The following GPC6 variants were observed in gnomAD, a reference collection of about 807,000 sequenced individuals.
The protein encoded by GPC6 is glypican 6.
GPC6 carries 14 observed loss-of-function variants against 55.2 expected under a neutral mutation model. The ratio of observed to expected loss-of-function variants is 0.25; its 90% confidence interval spans 0.17 to 0.40. The LOEUF (loss-of-function observed/expected upper bound fraction) is 0.40. Among genes scored for constraint, GPC6 ranks in the 10% least tolerant of loss-of-function variants. GPC6 has a pLI of 1.00. For missense variants in GPC6, 641 were observed against 708.5 expected, an observed-to-expected ratio of 0.90 and a Z score of 1.08; for synonymous variants, 278 against 259.6, an observed-to-expected ratio of 1.07 and a Z score of -0.68.
At chr13:93,691,752 T>A (rs1243874763) in intron 2 of GPC6, among the ~76,000 whole-genome samples, 1 of 152,092 alleles carries the variant, frequency 6.6e-6, no homozygotes, top group Non-Finnish European at 1.5e-5. Context: ...ACATTGACTA[T>A]GTTATGATAA....
intron 6 of GPC6, among the ~76,000 whole-genome samples, chr13:94,330,138 C>G (rs1252598745): frequency 6.6e-6 from 1 of 152,172 alleles, no homozygotes; most frequent in Non-Finnish European, 1.5e-5. Context: ...TAAGTTTAAT[C>G]CCACCTTTCC....
At chr13:93,291,288 C>A (rs899392070) in intron 1 of GPC6, among the ~76,000 whole-genome samples, 1 of 152,136 alleles carries the variant, frequency 6.6e-6, no homozygotes, top group African/African-American at 2.4e-5. Flanking sequence ...CAGTATGAGT[C>A]AAGTGACAGA....
At chr13:93,414,719 G>T (rs1158825482) in intron 1 of GPC6, among the ~76,000 whole-genome samples, 3 of 152,032 alleles carry the variant, frequency 2.0e-5, no homozygotes, top group African/African-American at 7.2e-5. Context: ...GATAATGAAG[G>T]GTTTGCCAAA....
At chr13:93,571,470 A>G (rs1003082601) in intron 2 of GPC6, among the ~76,000 whole-genome samples, 2 of 152,140 alleles carry the variant, frequency 1.3e-5, no homozygotes, top group African/African-American at 4.8e-5. Flanking sequence ...TTTGTTTTAT[A>G]TAATTTTATG....
chr13:94,002,774 A>C (rs1478391111), intron 3 of GPC6, among the ~76,000 whole-genome samples: 2 of 152,152 alleles, frequency 1.3e-5, no homozygotes, highest in East Asian at 3.9e-4. Flanking sequence ...GGCAGCCCTT[A>C]AGGGAGCACA....
intron 3 of GPC6, among the ~76,000 whole-genome samples, chr13:93,857,848 A>G (rs1046600065): frequency 1.3e-5 from 2 of 151,518 alleles, no homozygotes; most frequent in African/African-American, 4.8e-5. Context: ...TATAAGTGCC[A>G]AACTATGTAA....
rs140320030 is a variant in GPC6 at position 93,899,816 on chromosome 13, T to C, written c.711+69271T>C. On this transcript the variant is annotated intron_variant, in intron 3 of 8. Transcript: ENST00000377047. ...TTGAGGAAATTGAAAAATCATGTTA[T>C]TTATCTAGTGAATATAAATATTAGG... is the stretch of plus-strand genomic sequence containing the variant. 2.7e-3 allele frequency among the ~76,000 whole-genome samples: 404 copies of C among 152,330 alleles called. 3 individuals are homozygous for C. The highest frequency in any genetic ancestry group is 9.0e-3 in the African/African-American group (375 of 41,570).
At chr13:93,976,016 A>T (rs751283313) in intron 3 of GPC6, among the ~76,000 whole-genome samples, 15 of 152,176 alleles carry the variant, frequency 9.9e-5, no homozygotes, top group Admixed American at 6.5e-5. Context: ...TTATGGGAAG[A>T]ATAGAAATAT....
At chr13:94,005,164 A>G (rs1881965438) in intron 3 of GPC6, among the ~76,000 whole-genome samples, 1 of 152,206 alleles carries the variant, frequency 6.6e-6, no homozygotes, top group Non-Finnish European at 1.5e-5. Flanking sequence ...TGAAGGAGGT[A>G]TGGGAAATGA....
At chr13:94,355,567 T>A (rs932500520) in intron 6 of GPC6, among the ~76,000 whole-genome samples, 2 of 152,132 alleles carry the variant, frequency 1.3e-5, no homozygotes, top group Non-Finnish European at 2.9e-5. Context: ...TGAAAATGAA[T>A]GAGGAAATGA....
At chr13:94,061,987 A>G (rs1354064338) in intron 4 of GPC6, among the ~76,000 whole-genome samples, 1 of 152,098 alleles carries the variant, frequency 6.6e-6, no homozygotes, top group Non-Finnish European at 1.5e-5. Flanking sequence ...CTCCAGTCCT[A>G]AGGATCTCTT....
At chr13:93,480,466 G>T (rs984404023) in intron 1 of GPC6, among the ~76,000 whole-genome samples, 1 of 152,090 alleles carries the variant, frequency 6.6e-6, no homozygotes, top group Non-Finnish European at 1.5e-5. Flanking sequence ...GGACAAGAAC[G>T]TGATTTTTGG....
chr13:93,938,405 G>A (rs998954753), intron 3 of GPC6, among the ~76,000 whole-genome samples: 5 of 151,984 alleles, frequency 3.3e-5, no homozygotes, highest in Non-Finnish European at 7.4e-5. Context: ...TGCTAGAGTG[G>A]GCTATTTCAT....
At chr13:94,049,763 C>T (rs1447239129) in intron 4 of GPC6, among the ~76,000 whole-genome samples, 3 of 152,128 alleles carry the variant, frequency 2.0e-5, no homozygotes, top group African/African-American at 7.2e-5. Context: ...TCACAGTGTA[C>T]TTTACCTATC....
chr13:93,458,581 A>G (rs2139311735), intron 1 of GPC6, among the ~76,000 whole-genome samples: 1 of 152,340 alleles, frequency 6.6e-6, no homozygotes, highest in South Asian at 2.1e-4. Flanking sequence ...TACATTAAAA[A>G]TAATGTCTTA....
intron 4 of GPC6, among the ~76,000 whole-genome samples, chr13:94,087,899 G>A (rs1289464344): frequency 6.6e-6 from 1 of 152,196 alleles, no homozygotes; most frequent in Non-Finnish European, 1.5e-5. Context: ...GCACTGAGCA[G>A]CAATCATTTC....
rs190614865 is a variant in GPC6, at chr13:93,785,082, C to T, written c.320-45072C>T. 2.6e-5 allele frequency among the ~76,000 whole-genome samples: 4 copies of T among 152,196 alleles called. No individual in the cohort carries two copies. In the East Asian group the frequency reaches 7.7e-4, roughly 29 times the overall value. ...GGCATTAACTAAGTCCCTTAACTAA[C>T]AAGGTGGCATTCATTTCAAGAAGAA... On this transcript the variant is annotated intron_variant, in intron 2 of 8. Transcript: ENST00000377047.
chr13:93,654,451 C>T (rs1238400370), intron 2 of GPC6, among the ~76,000 whole-genome samples: 3 of 151,932 alleles, frequency 2.0e-5, no homozygotes, highest in Non-Finnish European at 4.4e-5. Context: ...CCTTAGCCTC[C>T]AGAGTAACTG....
the GPC6 span, among the ~76,000 whole-genome samples, chr13:93,218,364 A>G: frequency 1.3e-5 from 2 of 152,222 alleles, no homozygotes; most frequent in African/African-American, 4.8e-5. Context: ...TAAAGAACAT[A>G]GGATGTCAGC....
Sources: gnomAD v4.1 joint callset for allele counts (sites outside exome capture counted in the v4.1 genomes callset) on GRCh38, gnomAD v4.1.1 for gene constraint, MANE v1.5 for transcripts, NCBI Gene and HGNC (gene_info 2026-07-23, HGNC 2026-07-21) for gene names.